Variants in PPARG observed in about 807,000 individuals in gnomAD.
The protein encoded by PPARG is peroxisome proliferator activated receptor gamma, also known as peroxisome proliferator-activated receptor gamma.
In PPARG, 17 loss-of-function variants were observed where a neutral mutation model predicts 39.2. The ratio of observed to expected loss-of-function variants is 0.43; its 90% confidence interval spans 0.30 to 0.65. The LOEUF is 0.65. PPARG is among the 30% of genes least tolerant of loss of function. The pLI, the probability that PPARG is intolerant of heterozygous loss-of-function variation, is 0.13. For missense variants in PPARG, 406 were observed against 585.9 expected (o/e 0.69, Z 3.17); for synonymous variants, 223 against 215.7 (o/e 1.03, Z -0.30).
intron 1 of PPARG, among the ~76,000 whole-genome samples, chr3:12,292,614 G>A (rs971519794): frequency 1.3e-5 from 2 of 152,136 alleles, no homozygotes; most frequent in East Asian, 3.8e-4. Flanking sequence ...AATTAACTGT[G>A]CACCATCCAA....
At position 12,354,698 on chromosome 3, in the gene PPARG, AG is replaced by A. The variant is rs1237104946; in HGVS notation, c.-8-25004del. Reference sequence around the variant, plus strand: ...AACCCAGGAGGCAGAGGTTGCAGTGAGGCTGAGATTGCGCCACTGCACTCCA... The same window carrying A: ...AACCCAGGAGGCAGAGGTTGCAGTGAGCTGAGATTGCGCCACTGCACTCCA... On this transcript the variant is annotated intron_variant, in intron 2 of 7. Transcript: ENST00000651735. Among the ~76,000 whole-genome samples the A allele has an allele frequency of 4.7e-5, 7 of 148,458 alleles. No individual in the cohort carries two copies. In the East Asian group the frequency reaches 1.0e-3, roughly 22 times the overall value.
At chr3:12,352,097 CCTCTTGAAGTA>C in intron 2 of PPARG, among the ~76,000 whole-genome samples, 1 of 152,210 alleles carries the variant, frequency 6.6e-6, no homozygotes, top group South Asian at 2.1e-4. Context: ...CACTTTTATT[CCTCTTGAAGTA>C]CTCTCAGCTC....
intron 4 of PPARG, among the ~76,000 whole-genome samples, chr3:12,389,260 G>A (rs1305080496): frequency 6.6e-6 from 1 of 152,100 alleles, no homozygotes; most frequent in Non-Finnish European, 1.5e-5. Flanking sequence ...GTGAGAAGAA[G>A]ATGGAAAATA....
At chr3:12,317,632 C>T (rs530186879) in intron 2 of PPARG, among the ~76,000 whole-genome samples, 73 of 152,090 alleles carry the variant, frequency 4.8e-4, no homozygotes, top group Middle Eastern at 3.4e-3. Flanking sequence ...CCATTACATA[C>T]CATGAATATC....
intron 6 of PPARG, among the ~76,000 whole-genome samples, chr3:12,407,890 A>G (rs1258275742): frequency 2.0e-5 from 3 of 152,226 alleles, no homozygotes; most frequent in Admixed American, 1.3e-4. Context: ...TCTTTACAGT[A>G]TAAAAAAAAC....
intron 2 of PPARG, among the ~76,000 whole-genome samples, chr3:12,379,311 C>T (rs1333785391): frequency 1.3e-5 from 2 of 152,018 alleles, no homozygotes; most frequent in East Asian, 1.9e-4. Context: ...GGCCTGTATA[C>T]CTTAAGTTTA....
At chr3:12,396,171 G>A (rs1206530443) in intron 5 of PPARG, among the ~76,000 whole-genome samples, 3 of 151,656 alleles carry the variant, frequency 2.0e-5, no homozygotes, top group Non-Finnish European at 4.4e-5. Context: ...GCCCAGTCTG[G>A]AGTACAATGG....
At chr3:12,357,940 T>C (rs1435672506) in intron 2 of PPARG, among the ~76,000 whole-genome samples, 1 of 152,236 alleles carries the variant, frequency 6.6e-6, no homozygotes, top group East Asian at 1.9e-4. Context: ...TGTTGACTTA[T>C]TAATACCAAG....
intron 1 of PPARG, among the ~76,000 whole-genome samples, chr3:12,298,449 T>TTTTTCATC: frequency 6.6e-6 from 1 of 152,206 alleles, no homozygotes; most frequent in Non-Finnish European, 1.5e-5. Context: ...AATGAATTCT[T>TTTTTCATC]TTTTCATCTT....
At chr3:12,313,989 G>A (rs1358644178) in intron 2 of PPARG, among the ~76,000 whole-genome samples, 2 of 152,162 alleles carry the variant, frequency 1.3e-5, no homozygotes, top group East Asian at 3.9e-4. Context: ...TAAAATTAGT[G>A]AGGTGGGCCA....
chr3:12,340,622 C>T (rs764887538), intron 2 of PPARG, among the ~76,000 whole-genome samples: 1 of 152,132 alleles, frequency 6.6e-6, no homozygotes, highest in African/African-American at 2.4e-5. Context: ...AAGAAAAGCA[C>T]TCCAGGAGTA....
chr3:12,433,554 AAAAG>A (rs1325523652), intron 7 of PPARG, among the ~76,000 whole-genome samples: 7 of 148,360 alleles, frequency 4.7e-5, no homozygotes, highest in Admixed American at 1.3e-4. Flanking sequence ...AAAAAAAAAG[AAAAG>A]AAAAGAAAAG....
intron 2 of PPARG, among the ~76,000 whole-genome samples, chr3:12,332,746 A>G (rs1262117417): frequency 6.6e-6 from 1 of 152,178 alleles, no homozygotes; most frequent in African/African-American, 2.4e-5. Flanking sequence ...AGAACCATCC[A>G]AAGGCCAGGA....
At chr3:12,343,337 C>CT in intron 2 of PPARG, among the ~76,000 whole-genome samples, 1 of 152,318 alleles carries the variant, frequency 6.6e-6, no homozygotes, top group East Asian at 1.9e-4. Flanking sequence ...GATTTCCTCT[C>CT]TTTCCTGAAG....
intron 5 of PPARG, among the ~76,000 whole-genome samples, chr3:12,397,864 C>T (rs975603936): frequency 1.2e-4 from 19 of 152,064 alleles, no homozygotes; most frequent in Non-Finnish European, 2.1e-4. Flanking sequence ...ACTCCAGAAC[C>T]GCCCATGTTG....
intron 5 of PPARG, among the ~76,000 whole-genome samples, chr3:12,393,937 G>C (rs932209898): frequency 1.3e-5 from 2 of 152,086 alleles, no homozygotes; most frequent in South Asian, 2.1e-4. Context: ...AATGTATTTT[G>C]AATAGAGCTA....
intron 4 of PPARG, among the ~76,000 whole-genome samples, chr3:12,386,302 A>G (rs1278497359): frequency 6.6e-6 from 1 of 151,294 alleles, no homozygotes; most frequent in Non-Finnish European, 1.5e-5. Flanking sequence ...ACACTTGGTT[A>G]TCATGAACTC....
chr3:12,295,913 A>G (rs1339413696), intron 1 of PPARG, among the ~76,000 whole-genome samples: 4 of 152,140 alleles, frequency 2.6e-5, no homozygotes, highest in African/African-American at 9.7e-5. Flanking sequence ...ACTGAATTCT[A>G]TTCCAGCATA....
At chr3:12,381,219 C>G (rs1229489167) in intron 3 of PPARG, 103 bp from the exon 4 acceptor site, 2 of 1,168,816 alleles carry the variant, frequency 1.7e-6, no homozygotes, top group Non-Finnish European at 2.5e-6. Context: ...TACACTGAAA[C>G]AATACAAATA....
Sources: allele counts gnomAD v4.1 joint callset (sites outside exome capture counted in the v4.1 genomes callset), GRCh38; gene constraint gnomAD v4.1.1; transcripts MANE v1.5; gene names NCBI Gene and HGNC (gene_info 2026-07-23, HGNC 2026-07-21).